TNFSF4: variants seen among roughly 807,000 people sequenced by gnomAD.
TNFSF4 encodes the protein TNF superfamily member 4.
A neutral mutation model predicts 7.3 loss-of-function variants in TNFSF4; 4 were observed. The ratio of observed to expected loss-of-function variants is 0.55; its 90% CI spans 0.27 to 1.25. The LOEUF (loss-of-function observed/expected upper bound fraction) is 1.25. Ranked by LOEUF, TNFSF4 falls within the 50% of genes most tolerant of loss-of-function variation. The probability of loss-of-function intolerance (pLI) is 0.12; values close to 1 mark genes in which losing one functional copy is unlikely to be tolerated. For missense variants in TNFSF4, 181 were observed against 208.8 expected (o/e 0.87, Z 0.82); for synonymous variants, 76 against 83.7 (o/e 0.91, Z 0.50).
At chr1:173,213,657 C>T in the TNFSF4 span, among the ~76,000 whole-genome samples, 9 of 152,116 alleles carry the variant, frequency 5.9e-5, no homozygotes, top group African/African-American at 2.2e-4. Context: ...TGAGCTTTCA[C>T]AATTGTATAC....
the TNFSF4 span, among the ~76,000 whole-genome samples, chr1:173,329,447 G>A: frequency 6.6e-6 from 1 of 152,084 alleles, no homozygotes; most frequent in East Asian, 1.9e-4. Flanking sequence ...TCTGCAGTTG[G>A]TTGAATCAAC....
chr1:173,292,754 T>C, the TNFSF4 span, among the ~76,000 whole-genome samples: 1 of 151,974 alleles, frequency 6.6e-6, no homozygotes, highest in East Asian at 1.9e-4. Context: ...CCCCAAAGAC[T>C]CTGCCAAAAG....
chr1:173,287,535 A>G, the TNFSF4 span, among the ~76,000 whole-genome samples: 1 of 152,178 alleles, frequency 6.6e-6, no homozygotes, highest in Admixed American at 6.5e-5. Context: ...GGCAAAACAG[A>G]TGCTTGCTCT....
At chr1:173,237,759 G>A in the TNFSF4 span, among the ~76,000 whole-genome samples, 28 of 152,220 alleles carry the variant, frequency 1.8e-4, no homozygotes, top group Admixed American at 1.2e-3. Context: ...AATCAGAAAT[G>A]ACACAAACAA....
chr1:173,233,205 G>A, the TNFSF4 span, among the ~76,000 whole-genome samples: 4 of 152,248 alleles, frequency 2.6e-5, no homozygotes, highest in East Asian at 1.9e-4. Flanking sequence ...TAGCTGATTC[G>A]ATCAACTGGA....
At chr1:173,392,734 A>G in the TNFSF4 span, among the ~76,000 whole-genome samples, 1 of 152,194 alleles carries the variant, frequency 6.6e-6, no homozygotes, top group South Asian at 2.1e-4. Context: ...TAATCACTAA[A>G]TCAGGCAATT....
At chr1:173,409,909 C>T in the TNFSF4 span, among the ~76,000 whole-genome samples, 1 of 152,186 alleles carries the variant, frequency 6.6e-6, no homozygotes, top group Non-Finnish European at 1.5e-5. Context: ...CACCCTCCTG[C>T]TGCATTCAAG....
At chr1:173,323,479 G>C in the TNFSF4 span, among the ~76,000 whole-genome samples, 4 of 152,338 alleles carry the variant, frequency 2.6e-5, no homozygotes, top group East Asian at 7.7e-4. Flanking sequence ...AAGGAACGCA[G>C]CTCCTCACCA....
chr1:173,362,798 T>C, the TNFSF4 span: 3 of 424,630 alleles, frequency 7.1e-6, no homozygotes, highest in Non-Finnish European at 4.7e-6. Flanking sequence ...CACAAAGCTT[T>C]ACTGTGTTGC....
the TNFSF4 span, among the ~76,000 whole-genome samples, chr1:173,223,050 G>T: frequency 6.6e-6 from 1 of 152,202 alleles, no homozygotes; most frequent in Non-Finnish European, 1.5e-5. Context: ...TTGGAGACAG[G>T]CTGGCTGAAT....
At chr1:173,366,572 C>T in the TNFSF4 span, among the ~76,000 whole-genome samples, 1 of 152,046 alleles carries the variant, frequency 6.6e-6, no homozygotes, top group African/African-American at 2.4e-5. Flanking sequence ...GATAGCACAA[C>T]AGGGTAAATA....
At chr1:173,303,078 T>C in the TNFSF4 span, among the ~76,000 whole-genome samples, 5 of 151,888 alleles carry the variant, frequency 3.3e-5, no homozygotes, top group East Asian at 9.7e-4. Context: ...AAAACAAACC[T>C]GAGAGGTGCC....
At chr1:173,344,754 C>T in the TNFSF4 span, among the ~76,000 whole-genome samples, 51 of 152,292 alleles carry the variant, frequency 3.3e-4, 1 homozygote, top group African/African-American at 1.1e-3. Flanking sequence ...TACGAGAGGA[C>T]AAGAGGGAAT....
the TNFSF4 span, among the ~76,000 whole-genome samples, chr1:173,304,063 T>C: frequency 6.6e-6 from 1 of 151,956 alleles, no homozygotes; most frequent in African/African-American, 2.4e-5. Context: ...TATAAAGGTG[T>C]GAAAACAGTT....
At chr1:173,430,250 A>G in the TNFSF4 span, among the ~76,000 whole-genome samples, 1 of 152,258 alleles carries the variant, frequency 6.6e-6, no homozygotes, top group African/African-American at 2.4e-5. Flanking sequence ...CCAGGCAGCT[A>G]ACACACACAA....
the TNFSF4 span, among the ~76,000 whole-genome samples, chr1:173,409,626 A>G: frequency 6.6e-6 from 1 of 152,222 alleles, no homozygotes; most frequent in Non-Finnish European, 1.5e-5. Context: ...GCCCAAGACT[A>G]CAGAATTTAT....
At chr1:173,282,159 T>G in the TNFSF4 span, among the ~76,000 whole-genome samples, 1 of 152,088 alleles carries the variant, frequency 6.6e-6, no homozygotes, top group Non-Finnish European at 1.5e-5. Flanking sequence ...TAATAAGAAT[T>G]TATTGTATAT....
the TNFSF4 span, among the ~76,000 whole-genome samples, chr1:173,303,624 T>C: frequency 6.6e-6 from 1 of 151,574 alleles, no homozygotes; most frequent in Non-Finnish European, 1.5e-5. Context: ...ATAAAAGATG[T>C]TTTTATACGT....
At chr1:173,243,820 T>C in the TNFSF4 span, among the ~76,000 whole-genome samples, 1 of 152,140 alleles carries the variant, frequency 6.6e-6, no homozygotes. Flanking sequence ...CATGGGTTTG[T>C]GGTGAGGCTA....
Sources: gnomAD v4.1 joint callset for allele counts (sites outside exome capture counted in the v4.1 genomes callset) on GRCh38, gnomAD v4.1.1 for gene constraint, MANE v1.5 for transcripts, NCBI Gene and HGNC (gene_info 2026-07-23, HGNC 2026-07-21) for gene names.